NREP: variants seen among roughly 807,000 people sequenced by gnomAD.
The protein encoded by NREP is neuronal regeneration-related protein.
A neutral mutation model predicts 8.6 loss-of-function variants in NREP; 5 were observed. The ratio of observed to expected loss-of-function variants is 0.58; its 90% CI spans 0.30 to 1.22. The LOEUF is 1.22. Ranked by LOEUF, NREP falls within the 50% of genes most tolerant of loss-of-function variation. NREP has a pLI of 0.07. For missense variants in NREP, 86 were observed against 82.5 expected (o/e 1.04, Z -0.17); for synonymous variants, 27 against 28.0 (o/e 0.96, Z 0.11).
At position 111,879,872 on chromosome 5, in the gene NREP, T is replaced by G. The variant is rs541093241; in HGVS notation, c.135+95402A>C. On this transcript the variant is annotated intron_variant, in intron 2 of 3. Transcript: ENST00000395634. ...GACAGTGCAAGTGCTCTGGCATCTT[T>G]TCTTGTAAGGGAACCAATCTTTTCA... 5.3e-5 allele frequency among the ~76,000 whole-genome samples: 8 copies of G among 152,296 alleles called. No individual in the cohort carries two copies. In the South Asian group the frequency reaches 1.5e-3, roughly 28 times the overall value.
At chr5:111,816,103 T>G (rs986637242) in intron 2 of NREP, among the ~76,000 whole-genome samples, 1 of 152,180 alleles carries the variant, frequency 6.6e-6, no homozygotes, top group African/African-American at 2.4e-5. Flanking sequence ...AATGAAGAAT[T>G]CTGTAATCAG....
In NREP at chr5:111,730,985, G is replaced by C. The variant is rs1407609672; in HGVS notation, c.143C>G (p.Ser48Cys). The change falls in exon 4 of 4, where the codon TCC becomes TGC. Residue 48 changes from serine to cysteine, a missense_variant. By Grantham distance (112) the Ser-to-Cys change is moderately radical. Transcript: ENST00000257435. ...TTCACTGCTGCCCAGTGGAGTCAGG[G>C]AGGCAGCGTTTGTCTCATCGTTCTT... ...RKKNDETNAA[S>C]LTPLGSSELR... 6.2e-7 allele frequency: 1 copy of C among 1,613,896 alleles called. No individual in the cohort carries two copies. Among genetic ancestry groups the C allele is most frequent in the Admixed American group, 1.7e-5 (1 of 60,016 alleles).
intron 2 of NREP, among the ~76,000 whole-genome samples, chr5:111,868,002 T>C (rs953120932): frequency 6.6e-6 from 1 of 152,056 alleles, no homozygotes; most frequent in Admixed American, 6.6e-5. Context: ...CCCCTATCCC[T>C]AGTCCCTGGT....
chr5:111,891,048 A>G (rs1754382838), intron 2 of NREP, among the ~76,000 whole-genome samples: 2 of 152,184 alleles, frequency 1.3e-5, no homozygotes, highest in Non-Finnish European at 1.5e-5. Context: ...CCAAATTTTT[A>G]TGCTCTGCTT....
intron 2 of NREP, 121 bp from the exon 3 acceptor site, chr5:111,735,628 G>T (rs1163059464): frequency 4.7e-6 from 3 of 643,348 alleles, no homozygotes; most frequent in South Asian, 4.1e-5. Context: ...CTACCACTTA[G>T]AGCACTGGGG....
intron 2 of NREP, among the ~76,000 whole-genome samples, chr5:111,963,791 G>A (rs747574995): frequency 1.9e-4 from 29 of 152,186 alleles, no homozygotes; most frequent in Non-Finnish European, 2.9e-4. Context: ...CTGAGCCTTT[G>A]GTAGTGCCAT....
intron 2 of NREP, among the ~76,000 whole-genome samples, chr5:111,811,878 G>A (rs756702029): frequency 5.3e-5 from 8 of 151,140 alleles, no homozygotes; most frequent in Non-Finnish European, 8.8e-5. Flanking sequence ...AGCAAAGATC[G>A]GTTTACAAAA....
At chr5:111,843,977 C>T (rs1018747746) in intron 2 of NREP, among the ~76,000 whole-genome samples, 1 of 152,124 alleles carries the variant, frequency 6.6e-6, no homozygotes, top group Admixed American at 6.6e-5. Flanking sequence ...TAAATGTCAA[C>T]TATATGCTCT....
chr5:111,830,534 T>G (rs924729485), intron 2 of NREP, among the ~76,000 whole-genome samples: 2 of 152,214 alleles, frequency 1.3e-5, no homozygotes. Flanking sequence ...AACAGTTTAT[T>G]TGGCTGAGTC....
chr5:111,827,665 A>G (rs1752660916), intron 2 of NREP, among the ~76,000 whole-genome samples: 1 of 152,174 alleles, frequency 6.6e-6, no homozygotes, highest in African/African-American at 2.4e-5. Context: ...AACATGGCGA[A>G]ACCTTGTCTC....
At chr5:111,756,325 G>GT in intron 1 of NREP, 1 of 721,356 alleles carries the variant, frequency 1.4e-6, no homozygotes, top group Non-Finnish European at 1.7e-6. Context: ...CTACACGGCG[G>GT]GGGGGGTGGG....
chr5:111,903,082 C>CTTT (rs759722512), intron 2 of NREP, among the ~76,000 whole-genome samples: 36 of 122,686 alleles, frequency 2.9e-4, no homozygotes, highest in African/African-American at 7.1e-4. Context: ...TGTCTTTTCT[C>CTTT]TTTTTTTTTT....
At chr5:111,755,488 C>G (rs1214363151) in intron 2 of NREP, 2 of 423,058 alleles carry the variant, frequency 4.7e-6, no homozygotes, top group Non-Finnish European at 8.8e-6. Context: ...CTTAAAGAAC[C>G]GAATAGTTTC....
chr5:111,894,527 C>G (rs897728776), intron 2 of NREP, among the ~76,000 whole-genome samples: 3 of 151,702 alleles, frequency 2.0e-5, no homozygotes, highest in African/African-American at 4.8e-5. Context: ...ATCATTTTCT[C>G]TAAATTTGAT....
intron 2 of NREP, among the ~76,000 whole-genome samples, chr5:111,864,788 C>A (rs748054074): frequency 1.3e-5 from 2 of 151,794 alleles, no homozygotes; most frequent in Non-Finnish European, 2.9e-5. Flanking sequence ...TCGTACCTAT[C>A]AAAATTTAAA....
At chr5:111,909,198 C>T (rs115416767) in intron 2 of NREP, among the ~76,000 whole-genome samples, 9,995 of 151,956 alleles carry the variant, frequency 0.066, 425 homozygotes, top group Non-Finnish European at 0.099. Context: ...TTGATAGTTT[C>T]TTTTGCTGCC....
chr5:111,918,979 T>C (rs1176250879), intron 2 of NREP, among the ~76,000 whole-genome samples: 1 of 152,010 alleles, frequency 6.6e-6, no homozygotes, highest in African/African-American at 2.4e-5. Flanking sequence ...TATAGGCCCC[T>C]CATCTGACAA....
At chr5:111,957,932 G>A (rs1047155581) in intron 2 of NREP, among the ~76,000 whole-genome samples, 4 of 151,700 alleles carry the variant, frequency 2.6e-5, no homozygotes, top group South Asian at 2.1e-4. Flanking sequence ...ATAGATTAAC[G>A]ATGAACTTGA....
At chr5:111,941,357 G>C (rs1488135614) in intron 2 of NREP, among the ~76,000 whole-genome samples, 1 of 152,062 alleles carries the variant, frequency 6.6e-6, no homozygotes, top group Admixed American at 6.6e-5. Context: ...TTACACAACA[G>C]AAATTTATTT....
Sources: allele counts gnomAD v4.1 joint callset (sites outside exome capture counted in the v4.1 genomes callset), GRCh38; gene constraint gnomAD v4.1.1; transcripts MANE v1.5; gene names NCBI Gene and HGNC (gene_info 2026-07-23, HGNC 2026-07-21).